The following ARHGAP35 variants were observed in gnomAD, a reference collection of about 807,000 sequenced individuals.
ARHGAP35 encodes rho GTPase-activating protein 35.
A neutral mutation model predicts 111.1 loss-of-function variants in ARHGAP35; 15 were observed. The ratio of observed to expected loss-of-function variants is 0.13; its 90% CI spans 0.09 to 0.21. ARHGAP35 has a LOEUF of 0.21. Ranked by LOEUF, ARHGAP35 falls within the 10% of genes least tolerant of loss-of-function variation. ARHGAP35 has a pLI of 1.00. For missense variants in ARHGAP35, 1,262 were observed against 1,873.0 expected, an observed-to-expected ratio of 0.67 and a Z score of 6.02; for synonymous variants, 643 against 710.3, an observed-to-expected ratio of 0.91 and a Z score of 1.51.
intron 3 of ARHGAP35, among the ~76,000 whole-genome samples, chr19:46,972,431 A>C (rs1229505618): frequency 6.6e-6 from 1 of 152,214 alleles, no homozygotes; most frequent in Admixed American, 6.5e-5. Context: ...TCTTGAGCTG[A>C]TTTCCTACAG....
intron 1 of ARHGAP35, among the ~76,000 whole-genome samples, chr19:46,914,059 C>T (rs180903911): frequency 6.6e-6 from 1 of 152,290 alleles, no homozygotes; most frequent in Admixed American, 6.5e-5. Context: ...GTTATTTCCT[C>T]TAAACCAAGT....
At chr19:46,927,654 G>A (rs2056246412) in intron 2 of ARHGAP35, among the ~76,000 whole-genome samples, 2 of 152,206 alleles carry the variant, frequency 1.3e-5, no homozygotes, top group African/African-American at 4.8e-5. Flanking sequence ...CTTACTGTGT[G>A]CCAGGTACGT....
rs1462579327 is a variant in ARHGAP35 at position 47,001,711 on chromosome 19, CTAAT to C, written c.*1025_*1028del. The C allele has an allele frequency of 9.2e-6, 3 of 327,278 alleles. No homozygotes were observed. The highest frequency in any genetic ancestry group is 6.0e-6 in the Non-Finnish European group (1 of 166,956). 20.3% of individuals were successfully genotyped at this position (327,278 alleles called of 1,614,324 possible). ...AACACAGTCCATTACGATAGAAACA[CTAAT>C]TGAGCATGTGCGTGGGGTGGGGGTG... On this transcript the variant is annotated 3_prime_UTR_variant, in exon 7 of 7. Coordinates refer to ENST00000672722, the MANE Select transcript of ARHGAP35 (RefSeq NM_004491.5). The surrounding 1 kb of genome is among the most constrained non-coding windows in gnomAD (Gnocchi z 5.4).
At position 46,989,777 on chromosome 19, in the gene ARHGAP35, A is replaced by C; in HGVS notation, c.4036+102A>C. The stretch of plus-strand genomic sequence containing the variant: ...GAATGGATGCTGGCTGTTAGAGCTG[A>C]GGTTTGAAGGACAGAGGGCAAGGGA... On this transcript the variant is annotated intron_variant, in intron 5 of 6. Coordinates refer to ENST00000672722, the MANE Select transcript of ARHGAP35 (RefSeq NM_004491.5). This position sits in a 1 kb window ranked among gnomAD's most constrained non-coding sequence, Gnocchi z 5.3. The C allele has an allele frequency of 6.4e-7, 1 of 1,555,894 alleles. No homozygotes were observed. The highest frequency in any genetic ancestry group is 1.1e-5 in the South Asian group (1 of 88,050).
In ARHGAP35 at chr19:46,917,806, C is replaced by G. The variant is rs1029205907; in HGVS notation, c.-188-682C>G. Among the ~76,000 whole-genome samples the G allele has an allele frequency of 5.3e-5, 8 of 152,050 alleles. No homozygotes were observed. The South Asian group carries it at 1.5e-3, about 28-fold the overall frequency. ...TCAGCTCACCACAACCACTGCCTCC[C>G]AGGTTCAAATGATTCTCCTGCCTCA... On this transcript the variant is annotated intron_variant, in intron 1 of 6. Transcript: ENST00000672722.
intron 3 of ARHGAP35, among the ~76,000 whole-genome samples, chr19:46,978,057 G>T (rs2056588652): frequency 6.6e-6 from 1 of 152,210 alleles, no homozygotes; most frequent in Non-Finnish European, 1.5e-5. Flanking sequence ...CTGTAGGGAG[G>T]CCCTGCAAGT....
chr19:46,865,535 C>T (rs146798055), intron 1 of ARHGAP35, among the ~76,000 whole-genome samples: 36 of 152,226 alleles, frequency 2.4e-4, no homozygotes, highest in Non-Finnish European at 4.3e-4. Flanking sequence ...ATCCATGGAC[C>T]TGATGGTGAC....
intron 1 of ARHGAP35, among the ~76,000 whole-genome samples, chr19:46,907,478 T>TTTTGTTTG (rs56161001): frequency 0.017 from 2,501 of 147,598 alleles, 47 homozygotes; most frequent in Middle Eastern, 0.021. Context: ...TAGCTTCTTT[T>TTTTGTTTG]TTTGTTTGTT....
At chr19:46,924,329 C>T (rs1368321735) in intron 2 of ARHGAP35, among the ~76,000 whole-genome samples, 1 of 152,206 alleles carries the variant, frequency 6.6e-6, no homozygotes, top group Non-Finnish European at 1.5e-5. Context: ...GGTGCCATCA[C>T]CCTCCCACAG....
intron 1 of ARHGAP35, among the ~76,000 whole-genome samples, chr19:46,893,290 G>A (rs957781863): frequency 1.3e-5 from 2 of 151,970 alleles, no homozygotes; most frequent in African/African-American, 4.8e-5. Context: ...TATCACTTCT[G>A]GACTGGAGTT....
At chr19:46,882,245 C>A (rs1599797249) in intron 1 of ARHGAP35, among the ~76,000 whole-genome samples, 1 of 151,488 alleles carries the variant, frequency 6.6e-6, no homozygotes, top group Non-Finnish European at 1.5e-5. Context: ...GCAGTCCCCC[C>A]ACCTCAACCC....
rs116767753 is a variant in ARHGAP35, at chr19:46,954,610, A to G, written c.3826+17202A>G. Among the ~76,000 whole-genome samples the G allele has an allele frequency of 2.8e-3, 419 of 152,328 alleles. 1 individual carries two copies. The highest frequency in any genetic ancestry group is 9.7e-3 in the African/African-American group (402 of 41,580). ...AGACAACTGAATCCCACTTTTTCAA[A>G]CAAAGATGGTGCAAGGCCTTGTGAT... On this transcript the variant is annotated intron_variant, in intron 3 of 6. Transcript: ENST00000672722.
chr19:46,903,235 C>T (rs2056090320), intron 1 of ARHGAP35, among the ~76,000 whole-genome samples: 1 of 152,192 alleles, frequency 6.6e-6, no homozygotes, highest in Non-Finnish European at 1.5e-5. Flanking sequence ...TCATTCTGCA[C>T]ACAGTAATCA....
At chr19:46,867,815 A>G (rs2055866785) in intron 1 of ARHGAP35, among the ~76,000 whole-genome samples, 1 of 151,482 alleles carries the variant, frequency 6.6e-6, no homozygotes, top group African/African-American at 2.4e-5. Context: ...TGTAATGGCC[A>G]TTTGCAGGCT....
At position 47,004,167 on chromosome 19, in the gene ARHGAP35, AGGGAGCGG is replaced by A. The variant is rs1448973335; in HGVS notation, c.*3481_*3488del. On this transcript the variant is annotated 3_prime_UTR_variant, in exon 7 of 7. Coordinates refer to ENST00000672722, the MANE Select transcript of ARHGAP35 (RefSeq NM_004491.5). ...CGCAGGGATCCGGGGAAGCTGCGGC[AGGGAGCGG>A]GCGCCGGCTTCGTGGCTCTGAGGTG... 1 of 151,944 alleles carries A rather than the reference AGGGAGCGG, an allele frequency of 6.6e-6. No homozygotes were observed. The allele number at this position is 151,944 out of a possible 1,614,324, so 9.4% of individuals were successfully genotyped here. A position where few individuals can be genotyped will look rare whatever the true frequency, so the allele number is the denominator to read the frequency against.
At chr19:46,951,794 G>GA (rs2122247757) in intron 3 of ARHGAP35, among the ~76,000 whole-genome samples, 1 of 152,300 alleles carries the variant, frequency 6.6e-6, no homozygotes, top group South Asian at 2.1e-4. Context: ...TGGTCTTCAA[G>GA]ACCCAGTATG....
intron 1 of ARHGAP35, among the ~76,000 whole-genome samples, chr19:46,866,656 C>T (rs1045047445): frequency 3.3e-5 from 5 of 152,154 alleles, no homozygotes; most frequent in Admixed American, 2.0e-4. Flanking sequence ...CCTGCCAATC[C>T]CCAACTGCCT....
intron 5 of ARHGAP35, among the ~76,000 whole-genome samples, chr19:46,995,031 A>C: frequency 2.0e-5 from 3 of 152,256 alleles, no homozygotes; most frequent in Admixed American, 2.0e-4. Flanking sequence ...CCTGGTTCCA[A>C]CCAGGGCAGC....
At chr19:46,906,871 A>G (rs906241429) in intron 1 of ARHGAP35, among the ~76,000 whole-genome samples, 12 of 152,082 alleles carry the variant, frequency 7.9e-5, no homozygotes, top group African/African-American at 2.9e-4. Flanking sequence ...GGCGGATCAC[A>G]TGAGCCCAGG....
Sources: gnomAD v4.1 joint callset for allele counts (sites outside exome capture counted in the v4.1 genomes callset) on GRCh38, gnomAD v4.1.1 for gene constraint, Gnocchi (gnomAD v3.1) non-coding constraint, MANE v1.5 for transcripts, NCBI Gene and HGNC (gene_info 2026-07-23, HGNC 2026-07-21) for gene names.